ANXA4: variants seen among roughly 807,000 people sequenced by gnomAD.
ANXA4 encodes the protein 35-beta calcimedin.
In ANXA4, 39 loss-of-function variants were observed where a neutral mutation model predicts 49.8. The observed-to-expected ratio is 0.78, with a 90% CI of 0.61 to 1.02. The LOEUF is 1.02. Ranked by LOEUF, ANXA4 falls within the 50% of genes least tolerant of loss-of-function variation. The pLI is 0.00. For synonymous variants in ANXA4, 134 were observed against 152.5 expected, an observed-to-expected ratio of 0.88 and a Z score of 0.89; for missense variants, 360 against 410.1, an observed-to-expected ratio of 0.88 and a Z score of 1.05.
At chr2:69,749,044 A>G (rs9711602) in intron 1 of ANXA4, among the ~76,000 whole-genome samples, 95,510 of 151,962 alleles carry the variant, frequency 0.63, 32,155 homozygotes, top group African/African-American at 0.86. Flanking sequence ...AAGAGAGTTG[A>G]GGAAGTGTGG....
chr2:69,755,932 A>G (rs1453316604), intron 1 of ANXA4, among the ~76,000 whole-genome samples: 4 of 152,206 alleles, frequency 2.6e-5, no homozygotes, highest in African/African-American at 4.8e-5. Flanking sequence ...ACCATTATCT[A>G]TGCTCTCGAG....
At chr2:69,771,642 C>T (rs540135672) in intron 1 of ANXA4, among the ~76,000 whole-genome samples, 5 of 152,312 alleles carry the variant, frequency 3.3e-5, no homozygotes, top group Non-Finnish European at 7.3e-5. Flanking sequence ...TGTTCCACAT[C>T]CCTGCAGTCT....
chr2:69,650,364 G>A (rs1676187145), intron 1 of ANXA4, among the ~76,000 whole-genome samples: 1 of 152,206 alleles, frequency 6.6e-6, no homozygotes, highest in African/African-American at 2.4e-5. Flanking sequence ...TCCATTCACT[G>A]ATCCAGTAAA....
chr2:69,805,537 C>T (rs904280155), intron 4 of ANXA4, among the ~76,000 whole-genome samples: 12 of 150,374 alleles, frequency 8.0e-5, no homozygotes, highest in Non-Finnish European at 1.6e-4. Flanking sequence ...ATCCAGGAGG[C>T]GGAGTCTGCA....
intron 3 of ANXA4, among the ~76,000 whole-genome samples, chr2:69,799,647 C>T (rs1673102280): frequency 6.6e-6 from 1 of 152,188 alleles, no homozygotes; most frequent in Non-Finnish European, 1.5e-5. Flanking sequence ...CTCCAGTTAG[C>T]TCCTTGGGGG....
At chr2:69,808,348 G>A (rs908096886) in intron 6 of ANXA4, 1 of 242,948 alleles carries the variant, frequency 4.1e-6, no homozygotes, top group South Asian at 5.3e-5. Flanking sequence ...TGGAGGGGCC[G>A]TCTGGCCCAA....
chr2:69,780,867 G>A (rs759189497), intron 1 of ANXA4, among the ~76,000 whole-genome samples: 14 of 152,322 alleles, frequency 9.2e-5, no homozygotes, highest in Admixed American at 2.0e-4. Flanking sequence ...AGACTACAGT[G>A]AAGACATTTC....
chr2:69,754,760 G>T (rs72903076), intron 1 of ANXA4, among the ~76,000 whole-genome samples: 2,471 of 152,324 alleles, frequency 0.016, 79 homozygotes, highest in African/African-American at 0.056. Flanking sequence ...TTTATCATGT[G>T]TACCACACAC....
chr2:69,648,523 T>TA (rs1277438618), intron 1 of ANXA4, among the ~76,000 whole-genome samples: 2 of 152,112 alleles, frequency 1.3e-5, no homozygotes, highest in Admixed American at 6.5e-5. Flanking sequence ...ATGTCCTTTT[T>TA]AAAAAAATGA....
At chr2:69,756,292 T>TA (rs568206839) in intron 1 of ANXA4, among the ~76,000 whole-genome samples, 9 of 150,756 alleles carry the variant, frequency 6.0e-5, no homozygotes, top group Admixed American at 1.3e-4. Flanking sequence ...TTGCTGTGCC[T>TA]AAAAAAAAAG....
intron 2 of ANXA4, among the ~76,000 whole-genome samples, chr2:69,690,237 G>T (rs955864522): frequency 1.3e-5 from 2 of 151,948 alleles, no homozygotes; most frequent in East Asian, 1.9e-4. Context: ...TTTTATTTTT[G>T]TTTATTTATT....
chr2:69,747,559 T>C (rs1185272456), intron 1 of ANXA4, among the ~76,000 whole-genome samples: 1 of 152,238 alleles, frequency 6.6e-6, no homozygotes, highest in East Asian at 1.9e-4. Context: ...CCTTTCTTGA[T>C]AAAAATAAAT....
intron 1 of ANXA4, among the ~76,000 whole-genome samples, chr2:69,757,266 AT>A (rs1177266386): frequency 2.5e-4 from 7 of 27,644 alleles, no homozygotes; most frequent in East Asian, 1.1e-3. Context: ...ATATATATAT[AT>A]TTTTTTTTTT....
At chr2:69,767,513 T>C (rs1384605389) in intron 1 of ANXA4, among the ~76,000 whole-genome samples, 4 of 152,174 alleles carry the variant, frequency 2.6e-5, no homozygotes, top group African/African-American at 4.8e-5. Context: ...CCCTTTTAGC[T>C]GGAGATGGCA....
intron 1 of ANXA4, among the ~76,000 whole-genome samples, chr2:69,750,449 G>C (rs537974484): frequency 3.3e-5 from 5 of 152,300 alleles, no homozygotes; most frequent in Admixed American, 2.0e-4. Flanking sequence ...GTCTCACTCT[G>C]TCACCCTGGC....
intron 1 of ANXA4, among the ~76,000 whole-genome samples, chr2:69,759,624 A>G (rs1467681412): frequency 6.6e-6 from 1 of 152,142 alleles, no homozygotes; most frequent in African/African-American, 2.4e-5. Flanking sequence ...TTTAATAATA[A>G]CAATAATAAT....
At chr2:69,794,525 A>ATGTTATGTTC (rs1672842474) in intron 3 of ANXA4, among the ~76,000 whole-genome samples, 2 of 109,782 alleles carry the variant, frequency 1.8e-5, no homozygotes, top group East Asian at 4.3e-4. Flanking sequence ...ATGTTATATT[A>ATGTTATGTTC]TGTTATGTTA....
intron 2 of ANXA4, among the ~76,000 whole-genome samples, chr2:69,659,192 A>G (rs1040921469): frequency 2.0e-5 from 3 of 152,230 alleles, no homozygotes; most frequent in African/African-American, 7.2e-5. Flanking sequence ...ATATGTTTCA[A>G]GAAAGATTAT....
intron 1 of ANXA4, among the ~76,000 whole-genome samples, chr2:69,764,256 T>C (rs781569180): frequency 2.6e-5 from 4 of 152,202 alleles, no homozygotes; most frequent in Non-Finnish European, 5.9e-5. Flanking sequence ...CCTGTAATAG[T>C]TTACCAATGG....
Sources: gnomAD v4.1 joint callset for allele counts (sites outside exome capture counted in the v4.1 genomes callset) on GRCh38, gnomAD v4.1.1 for gene constraint, MANE v1.5 for transcripts, NCBI Gene and HGNC (gene_info 2026-07-23, HGNC 2026-07-21) for gene names.